The following PTPRN2 variants were observed in gnomAD, a reference collection of about 807,000 sequenced individuals.
PTPRN2 encodes protein tyrosine phosphatase receptor type N2.
Under a neutral mutation model 118.8 loss-of-function variants are expected in PTPRN2, and 74 were observed. The ratio of observed to expected loss-of-function variants is 0.62; its 90% CI spans 0.52 to 0.76. The LOEUF (loss-of-function observed/expected upper bound fraction) is 0.76. Ranked by LOEUF, PTPRN2 falls within the 30% of genes least tolerant of loss-of-function variation. The probability of loss-of-function intolerance (pLI) is 0.00; values close to 1 mark genes in which losing one functional copy is unlikely to be tolerated. For synonymous variants in PTPRN2, 641 were observed against 608.0 expected (o/e 1.05, Z -0.80); for missense variants, 1,481 against 1,394.4 (o/e 1.06, Z -0.99).
In PTPRN2 at chr7:158,133,682, G is replaced by T; in HGVS notation, c.1551C>A (p.Asp517Glu). The T allele has an allele frequency of 6.3e-7, 1 of 1,578,128 alleles. No individual in the cohort carries two copies. The highest frequency in any genetic ancestry group is 1.7e-5 in the Admixed American group (1 of 58,544). The part of the protein sequence containing the change: ...EEEARGYIVT[D>E]RDPLRPEEGR... ...TAGCCAGGGCTGCTACTCACTCTCT[G>T]TCTGTCACGATGTAGCCCCGCGCCT... Residue 517 changes from aspartate (D) to glutamate (E), a missense_variant, in exon 9 of 23, where the codon GAC (aspartate) becomes GAA (glutamate). Coordinates refer to ENST00000389418, the MANE Select transcript of PTPRN2 (RefSeq NM_002847.5).
chr7:158,281,774 C>G (rs1799444349), intron 3 of PTPRN2, among the ~76,000 whole-genome samples: 1 of 152,218 alleles, frequency 6.6e-6, no homozygotes, highest in African/African-American at 2.4e-5. Flanking sequence ...ATCCATGCTC[C>G]TAGAAAGGAA....
chr7:157,978,128 G>T (rs1372286047), intron 11 of PTPRN2, among the ~76,000 whole-genome samples: 1 of 152,084 alleles, frequency 6.6e-6, no homozygotes, highest in East Asian at 1.9e-4. Context: ...TTGGGCCAGG[G>T]CAGTTTCCCG....
At chr7:158,318,151 C>T (rs1486586544) in intron 2 of PTPRN2, among the ~76,000 whole-genome samples, 2 of 152,076 alleles carry the variant, frequency 1.3e-5, no homozygotes, top group Non-Finnish European at 2.9e-5. Context: ...GAGCCCGGCG[C>T]CCCCCACCGT....
chr7:158,489,836 T>C (rs1323587642), intron 1 of PTPRN2, 51 bp from the exon 2 acceptor site: 1 of 1,515,400 alleles, frequency 6.6e-7, no homozygotes, highest in African/African-American at 1.4e-5. Flanking sequence ...AGGAGGGGGG[T>C]GCCCCCGAGG....
chr7:158,205,158 C>T lies in PTPRN2; in HGVS notation c.380+13G>A, dbSNP rs774022001. ...CCTGGGAGCAAGGAGCAACAAGCCA[C>T]GTCCACACTTACCTGGCTGGGCTGG... On this transcript the variant is annotated intron_variant, in intron 4 of 22. Coordinates refer to ENST00000389418, the MANE Select transcript of PTPRN2 (RefSeq NM_002847.5). The T allele has an allele frequency of 6.4e-5, 102 of 1,600,520 alleles. 1 individual carries two copies. Among genetic ancestry groups the T allele is most frequent in the African/African-American group, 4.9e-4 (37 of 74,754 alleles).
intron 1 of PTPRN2, among the ~76,000 whole-genome samples, chr7:158,504,561 G>T (rs1822608517): frequency 6.6e-6 from 1 of 152,208 alleles, no homozygotes; most frequent in African/African-American, 2.4e-5. Flanking sequence ...GTAGTCCATG[G>T]TGTGTACGTA....
chr7:158,067,785 C>T (rs565321226), intron 11 of PTPRN2, among the ~76,000 whole-genome samples: 64 of 151,278 alleles, frequency 4.2e-4, no homozygotes, highest in African/African-American at 1.4e-3. Context: ...GGCCGGGCCG[C>T]GGGCAGCACA....
chr7:158,070,339 G>C (rs1811132654), intron 11 of PTPRN2, among the ~76,000 whole-genome samples: 1 of 144,328 alleles, frequency 6.9e-6, no homozygotes, highest in Admixed American at 6.9e-5. Flanking sequence ...GTGTGGAGGT[G>C]CCCGTGGTGG....
At chr7:157,645,877 G>T (rs979496527) in intron 14 of PTPRN2, among the ~76,000 whole-genome samples, 3 of 152,184 alleles carry the variant, frequency 2.0e-5, no homozygotes, top group African/African-American at 7.2e-5. Context: ...GGACTTGCTT[G>T]CTGGGACACA....
chr7:158,270,669 T>C (rs1009023234), intron 3 of PTPRN2, among the ~76,000 whole-genome samples: 2 of 151,700 alleles, frequency 1.3e-5, no homozygotes, highest in African/African-American at 4.9e-5. Context: ...TACCTGGCTG[T>C]CCCTCTCCCT....
intron 12 of PTPRN2, among the ~76,000 whole-genome samples, chr7:157,693,063 G>A (rs894890365): frequency 6.6e-5 from 10 of 151,956 alleles, no homozygotes; most frequent in Non-Finnish European, 1.3e-4. Context: ...GGAGGGGAGG[G>A]GAGGTGGCGC....
At position 157,615,053 on chromosome 7, in the gene PTPRN2, GTATT is replaced by G. The variant is rs1802666707; in HGVS notation, c.2344+6305_2344+6308del. On this transcript the variant is annotated intron_variant, in intron 15 of 22. Coordinates refer to ENST00000389418, the MANE Select transcript of PTPRN2 (RefSeq NM_002847.5). This position sits in a 1 kb window ranked among gnomAD's most constrained non-coding sequence, Gnocchi z 4.3. ...ATTTAGGACCTGCAGGCAGGCTAAAGTATTTGGACGTCATGACGCCTGATACTTA... is the reference window on the plus strand; with the variant it reads ...ATTTAGGACCTGCAGGCAGGCTAAAGTGGACGTCATGACGCCTGATACTTA... Among the ~76,000 whole-genome samples the G allele has an allele frequency of 6.6e-6, 1 of 152,230 alleles. No homozygotes were observed. The highest frequency in any genetic ancestry group is 1.5e-5 in the Non-Finnish European group (1 of 68,046).
chr7:158,137,557 C>T (rs555650457), intron 7 of PTPRN2, among the ~76,000 whole-genome samples: 116 of 152,232 alleles, frequency 7.6e-4, no homozygotes, highest in Non-Finnish European at 1.4e-3. Context: ...AGCCATGGTG[C>T]GGGTCCCGAT....
chr7:158,400,261 A>G (rs148042742), intron 2 of PTPRN2, among the ~76,000 whole-genome samples: 164 of 152,226 alleles, frequency 1.1e-3, no homozygotes, highest in African/African-American at 3.9e-3. Context: ...TCACTTTTGA[A>G]CCAAGCAGAT....
In PTPRN2 at chr7:157,874,112, G is replaced by A. The variant is rs560302349; in HGVS notation, c.1788+24561C>T. On this transcript the variant is annotated intron_variant, in intron 12 of 22. Transcript: ENST00000389418. This position sits in a 1 kb window ranked among gnomAD's most constrained non-coding sequence, Gnocchi z 5.8. ...ATCTTCAGACCAGGCCTTCTGCAACGATTCTCTGGCCTCTCTGCTGCTCTG... is the reference window on the plus strand; with the variant it reads ...ATCTTCAGACCAGGCCTTCTGCAACAATTCTCTGGCCTCTCTGCTGCTCTG... 1.1e-4 allele frequency among the ~76,000 whole-genome samples: 17 copies of A among 152,324 alleles called. No homozygotes were observed. The highest frequency in any genetic ancestry group is 4.1e-4 in the African/African-American group (17 of 41,574).
chr7:157,583,668 G>A lies in PTPRN2; in HGVS notation c.2497-5528C>T, dbSNP rs1487787650. Among the ~76,000 whole-genome samples the A allele has an allele frequency of 1.3e-5, 2 of 152,242 alleles. No homozygotes were observed. Among genetic ancestry groups the A allele is most frequent in the Non-Finnish European group, 2.9e-5 (2 of 68,044 alleles). ...GGAGGCCAAGGCAGGCGAATCACTT[G>A]AGGTCAGGAGTTCGAGACTAGCCTC... On this transcript the variant is annotated intron_variant, in intron 17 of 22. Coordinates refer to ENST00000389418, the MANE Select transcript of PTPRN2 (RefSeq NM_002847.5). The surrounding 1 kb of genome is among the most constrained non-coding windows in gnomAD (Gnocchi z 5.5).
chr7:157,586,676 G>A (rs960273515), intron 17 of PTPRN2, among the ~76,000 whole-genome samples: 10 of 151,682 alleles, frequency 6.6e-5, no homozygotes, highest in Non-Finnish European at 1.5e-4. Flanking sequence ...AGGGCCCCCT[G>A]CTACTGGACA....
chr7:157,902,012 C>T (rs1797488935), intron 11 of PTPRN2, among the ~76,000 whole-genome samples: 1 of 152,216 alleles, frequency 6.6e-6, no homozygotes, highest in Non-Finnish European at 1.5e-5. Context: ...TCCGTGTTTC[C>T]TTGGTTCTGG....
intron 3 of PTPRN2, among the ~76,000 whole-genome samples, chr7:158,255,355 T>C (rs1272599311): frequency 6.6e-6 from 1 of 152,142 alleles, no homozygotes; most frequent in Non-Finnish European, 1.5e-5. Context: ...TGGAAGAAAG[T>C]AGGCCCAGGG....
Sources: allele counts gnomAD v4.1 joint callset (sites outside exome capture counted in the v4.1 genomes callset), GRCh38; gene constraint gnomAD v4.1.1; non-coding constraint Gnocchi (gnomAD v3.1); transcripts MANE v1.5; gene names NCBI Gene and HGNC (gene_info 2026-07-23, HGNC 2026-07-21).